Variants in ADAR observed in about 807,000 individuals in gnomAD.
ADAR encodes the protein double-stranded RNA-specific adenosine deaminase.
In ADAR, 41 loss-of-function variants were observed where a neutral mutation model predicts 113.2. That is an observed-to-expected ratio of 0.36 (90% CI 0.28 to 0.47). The LOEUF (loss-of-function observed/expected upper bound fraction) is 0.47. ADAR is among the 20% of genes least tolerant of loss of function. ADAR has a pLI of 1.00. For synonymous variants in ADAR, 605 were observed against 572.6 expected (o/e 1.06, Z -0.81); for missense variants, 1,242 against 1,540.9 (o/e 0.81, Z 3.25).
chr1:154,598,666 A>G, intron 2 of ADAR, 81 bp from the exon 3 acceptor site: 1 of 1,462,052 alleles, frequency 6.8e-7, no homozygotes, highest in Non-Finnish European at 9.5e-7. Context: ...TCAACCTGGA[A>G]TTTTCTGCTA....
At chr1:154,608,297 AC>A, upstream of ADAR, 2 of 470,776 alleles carry the variant, frequency 4.2e-6, no homozygotes, top group South Asian at 3.2e-5. Flanking sequence ...TACAAGTCGA[AC>A]CCCTCCGCTG....
At chr1:154,591,528 A>G (rs778661277) in intron 6 of ADAR, among the ~76,000 whole-genome samples, 2 of 152,224 alleles carry the variant, frequency 1.3e-5, no homozygotes, top group Non-Finnish European at 2.9e-5. Flanking sequence ...AAAGTGCCCA[A>G]GTGGAGCAGG....
rs1332823232 is a variant in ADAR at position 154,600,962 on chromosome 1, T to C, written c.1601+79A>G. 31 of 1,593,460 alleles carry C rather than the reference T, an allele frequency of 1.9e-5. No individual in the cohort carries two copies. The South Asian group carries it at 2.9e-4, about 15-fold the overall frequency. The stretch of plus-strand genomic sequence containing the variant: ...GATAGGCGCCACCAAACAGCACTGC[T>C]CACAAATCAGCCAAGACTGCGTCAG... On this transcript the variant is annotated intron_variant, in intron 2 of 14. Coordinates refer to ENST00000368474, the MANE Select transcript of ADAR (RefSeq NM_001111.5).
intron 11 of ADAR, among the ~76,000 whole-genome samples, chr1:154,587,001 T>A (rs755587697): frequency 6.6e-6 from 1 of 152,272 alleles, no homozygotes; most frequent in African/African-American, 2.4e-5. Flanking sequence ...TCATATGCCA[T>A]ACAGTTCACC....
At chr1:154,610,499 A>G (rs1175102871), upstream of ADAR, among the ~76,000 whole-genome samples, 1 of 152,164 alleles carries the variant, frequency 6.6e-6, no homozygotes, top group African/African-American at 2.4e-5. Flanking sequence ...AAACCAAACT[A>G]TAGTATGCTC....
intron 6 of ADAR, among the ~76,000 whole-genome samples, chr1:154,596,047 T>C (rs1697471482): frequency 6.6e-6 from 1 of 152,214 alleles, no homozygotes; most frequent in African/African-American, 2.4e-5. Context: ...CCATACAGCC[T>C]GTACGTGTGT....
intron 1 of ADAR, among the ~76,000 whole-genome samples, chr1:154,620,283 T>C (rs970845001): frequency 7.2e-5 from 11 of 152,090 alleles, no homozygotes; most frequent in Middle Eastern, 3.2e-3. Flanking sequence ...GGTGGGTGCC[T>C]GTAATCCCAG....
At chr1:154,605,756 G>A (rs1698152853) in intron 1 of ADAR, among the ~76,000 whole-genome samples, 1 of 152,048 alleles carries the variant, frequency 6.6e-6, no homozygotes, top group Admixed American at 6.5e-5. Context: ...ATATTGCTAG[G>A]GACAGAGGCA....
chr1:154,588,085 A>G, intron 11 of ADAR, 40 bp downstream of exon 11: 1 of 1,611,864 alleles, frequency 6.2e-7, no homozygotes, highest in Non-Finnish European at 8.5e-7. Flanking sequence ...GACCTTGCAG[A>G]GCCTTTTGAG....
Position 154,586,302 on chromosome 1 carries a change from G to C in ADAR, c.3081C>G (p.Leu1027=), listed in dbSNP as rs145851568. 6.2e-7 allele frequency: 1 copy of C among 1,614,036 alleles called. No individual in the cohort carries two copies. Among genetic ancestry groups the C allele is most frequent in the Non-Finnish European group, 8.5e-7 (1 of 1,180,040 alleles). The change falls in exon 12 of 15, where the codon CTC becomes CTG. Residue 1027 remains leucine (L), a synonymous_variant. Transcript: ENST00000368474. The part of the protein sequence containing the change: ...DIVPTWDGIR[L]GERLRTMSCS... The stretch of plus-strand genomic sequence containing the variant: ...AGGACATGGTACGGAGTCTCTCCCC[G>C]AGCCGAATGCCATCCCACGTAGGCA...
At chr1:154,607,170 G>T (rs1365501977) in intron 1 of ADAR, among the ~76,000 whole-genome samples, 9 of 149,088 alleles carry the variant, frequency 6.0e-5, no homozygotes, top group Non-Finnish European at 8.9e-5. Flanking sequence ...TATAACTGTG[G>T]TTTTTTTTTT....
chr1:154,590,140 G>GGGCCCC, intron 7 of ADAR, 44 bp downstream of exon 7: 1 of 1,373,186 alleles, frequency 7.3e-7, no homozygotes, highest in Non-Finnish European at 1.0e-6. Flanking sequence ...GAGTTAGGAG[G>GGGCCCC]ACCCCCCCGC....
chr1:154,597,779 T>A (rs774281996), intron 4 of ADAR, 49 bp downstream of exon 4: 1 of 1,612,396 alleles, frequency 6.2e-7, no homozygotes, highest in East Asian at 2.2e-5. Flanking sequence ...ATGTGTCTCT[T>A]TTTCTTTCTG....
Position 154,601,103 on chromosome 1 carries a change from C to A in ADAR, c.1539G>T (p.Gln513His). Residue 513 changes from glutamine to histidine, a missense_variant, in exon 2 of 15, where the codon CAG (glutamine) becomes CAT (histidine). Gln to His is a conservative substitution (Grantham distance 24, BLOSUM62 0). Around this residue, in one of 2 missense-constraint regions of ADAR, gnomAD observed 780 missense variants for 1,057.9 expected, o/e 0.74. Coordinates refer to ENST00000368474, the MANE Select transcript of ADAR (RefSeq NM_001111.5). The surrounding 1 kb of genome is among the most constrained non-coding windows in gnomAD (Gnocchi z 4.7). ...TGAACTCACAGGTTTGACTAGCGAA[C>A]TGGGCATATTCTAACAGCCCGCTGA... The part of the protein sequence containing the change: ...NPISGLLEYA[Q>H]FASQTCEFNM... 1.2e-6 allele frequency: 2 copies of A among 1,614,212 alleles called. No individual in the cohort carries two copies. Among genetic ancestry groups the A allele is most frequent in the Non-Finnish European group, 1.7e-6 (2 of 1,180,040 alleles).
chr1:154,601,741 C>T lies in ADAR; in HGVS notation c.901G>A (p.Glu301Lys), dbSNP rs1697894832. 6.2e-7 allele frequency: 1 copy of T among 1,614,102 alleles called. No individual in the cohort carries two copies. The highest frequency in any genetic ancestry group is 1.3e-5 in the African/African-American group (1 of 74,936). Reference protein sequence around the residue: ...LEFLDMAEIKEKICDYLFNVS... With the variant: ...LEFLDMAEIKKKICDYLFNVS... Reference sequence around the variant, plus strand: ...TTGAAGAGATAGTCGCAGATTTTCTCCTTGATCTCGGCCATGTCTAAAAAC... The same window carrying T: ...TTGAAGAGATAGTCGCAGATTTTCTTCTTGATCTCGGCCATGTCTAAAAAC... The change falls in exon 2 of 15, where the codon GAG becomes AAG. Residue 301 changes from glutamate (E) to lysine (K), a missense_variant. Glu to Lys is a moderately conservative substitution (Grantham distance 56). Coordinates refer to ENST00000368474, the MANE Select transcript of ADAR (RefSeq NM_001111.5). The surrounding 1 kb of genome is among the most constrained non-coding windows in gnomAD (Gnocchi z 4.7).
At chr1:154,604,752 G>C (rs887689833) in intron 1 of ADAR, among the ~76,000 whole-genome samples, 1 of 151,908 alleles carries the variant, frequency 6.6e-6, no homozygotes, top group African/African-American at 2.4e-5. Flanking sequence ...CAGTCTCCAA[G>C]GTTTTAAGGA....
At chr1:154,592,005 G>C (rs927170192) in intron 6 of ADAR, among the ~76,000 whole-genome samples, 15 of 152,156 alleles carry the variant, frequency 9.9e-5, no homozygotes, top group Admixed American at 7.2e-4. Flanking sequence ...AAAAGAATAT[G>C]AACTCTTACG....
chr1:154,585,883 A>G lies in ADAR; in HGVS notation c.3203-18T>C. ...AAGGTAACCTGAGTACAAAAAAGAG[A>G]AACATATATACCTGTGTTTGCACCA... On this transcript the variant is annotated intron_variant, in intron 12 of 14. Coordinates refer to ENST00000368474, the MANE Select transcript of ADAR (RefSeq NM_001111.5). 1 of 1,597,994 alleles carries G rather than the reference A, an allele frequency of 6.3e-7. No homozygotes were observed. The highest frequency in any genetic ancestry group is 8.6e-7 in the Non-Finnish European group (1 of 1,166,204).
chr1:154,616,263 T>G (rs1698633883), intron 1 of ADAR, among the ~76,000 whole-genome samples: 1 of 152,246 alleles, frequency 6.6e-6, no homozygotes, highest in Non-Finnish European at 1.5e-5. Flanking sequence ...AAAAATACTT[T>G]GATGGCTTCC....
Sources: allele counts gnomAD v4.1 joint callset (sites outside exome capture counted in the v4.1 genomes callset), GRCh38; gene constraint gnomAD v4.1.1; regional missense constraint gnomAD v4.1.1; non-coding constraint Gnocchi (gnomAD v3.1); transcripts MANE v1.5; gene names NCBI Gene and HGNC (gene_info 2026-07-23, HGNC 2026-07-21).